KIF13B: variants seen among roughly 807,000 people sequenced by gnomAD.
KIF13B encodes the protein kinesin-like protein KIF13B.
Under a neutral mutation model 222.0 loss-of-function variants are expected in KIF13B, and 127 were observed. The ratio of observed to expected loss-of-function variants is 0.57; its 90% CI spans 0.50 to 0.66. KIF13B has a LOEUF of 0.66. KIF13B is among the 30% of genes least tolerant of loss of function. KIF13B has a pLI of 0.00. For synonymous variants in KIF13B, 976 were observed against 919.0 expected (o/e 1.06, Z -1.12); for missense variants, 2,173 against 2,379.0 (o/e 0.91, Z 1.80).
intron 19 of KIF13B, among the ~76,000 whole-genome samples, chr8:29,140,972 C>T (rs774693796): frequency 7.9e-5 from 12 of 152,282 alleles, no homozygotes; most frequent in Non-Finnish European, 8.8e-5. Flanking sequence ...CTAAACTACA[C>T]TTCACCTTTC....
intron 2 of KIF13B, among the ~76,000 whole-genome samples, chr8:29,238,397 A>G (rs1815608646): frequency 6.6e-6 from 1 of 152,224 alleles, no homozygotes; most frequent in African/African-American, 2.4e-5. Flanking sequence ...GTCAGAGTAC[A>G]CTGAAGCTCC....
rs1024724641 is a variant in KIF13B at position 29,155,970 on chromosome 8, A to C, written c.1405-114T>G. On this transcript the variant is annotated intron_variant, in intron 13 of 39. Coordinates refer to ENST00000524189, the MANE Select transcript of KIF13B (RefSeq NM_015254.4). ...TATTACCTTTGCGAAAATTTTTTTT[A>C]TTTTTATTTTATTTTTGAGACAGAG... 7 of 766,274 alleles carry C rather than the reference A, an allele frequency of 9.1e-6. No individual in the cohort carries two copies. The South Asian group carries it at 1.2e-4, about 13-fold the overall frequency. The allele number at this position is 766,274 out of a possible 1,614,324, so 47.5% of individuals were successfully genotyped here.
chr8:29,215,668 G>A (rs1164237888), intron 2 of KIF13B, among the ~76,000 whole-genome samples: 1 of 152,244 alleles, frequency 6.6e-6, no homozygotes, highest in African/African-American at 2.4e-5. Context: ...CTCCAGCAGG[G>A]ACGACAAGGT....
Position 29,155,854 on chromosome 8 carries a change from T to C in KIF13B, c.1407A>G (p.Glu469=). Residue 469 remains glutamate (E), a splice_region_variant and synonymous_variant, in exon 14 of 40, where the codon GAA becomes GAG. Transcript: ENST00000524189. Reference sequence around the variant, plus strand: ...AATTTGCTGACCCTATCAATGTATGTTCCTAAGAAAAAACCAAATTCACTG... The same window carrying C: ...AATTTGCTGACCCTATCAATGTATGCTCCTAAGAAAAAACCAAATTCACTG... The part of the protein sequence containing the change: ...LNELLVYYLK[E]HTLIGSANSQ... 1.3e-6 allele frequency: 2 copies of C among 1,570,382 alleles called. No homozygotes were observed. The highest frequency in any genetic ancestry group is 1.7e-6 in the Non-Finnish European group (2 of 1,155,442).
intron 1 of KIF13B, among the ~76,000 whole-genome samples, chr8:29,248,006 G>C (rs982518333): frequency 6.6e-6 from 1 of 151,902 alleles, no homozygotes; most frequent in Non-Finnish European, 1.5e-5. Flanking sequence ...ATACCATCTC[G>C]CATCCACTGG....
chr8:29,073,139 A>G (rs1807388926), intron 38 of KIF13B, among the ~76,000 whole-genome samples: 1 of 50,696 alleles, frequency 2.0e-5, no homozygotes, highest in African/African-American at 9.4e-5. Flanking sequence ...GAGGAGGGGG[A>G]CGAGGAGGGG....
At chr8:29,139,746 G>A (rs1459660384) in intron 21 of KIF13B, among the ~76,000 whole-genome samples, 2 of 151,830 alleles carry the variant, frequency 1.3e-5, no homozygotes, top group African/African-American at 2.4e-5. Flanking sequence ...TGCGCCCCTC[G>A]CTGACTTCCT....
intron 2 of KIF13B, among the ~76,000 whole-genome samples, chr8:29,244,929 A>T (rs545695927): frequency 6.6e-6 from 1 of 152,210 alleles, no homozygotes; most frequent in Non-Finnish European, 1.5e-5. Context: ...TAGAGGAAAG[A>T]CATCACTGCG....
At chr8:29,106,632 C>CCA (rs1809083548) in intron 35 of KIF13B, among the ~76,000 whole-genome samples, 3 of 56,468 alleles carry the variant, frequency 5.3e-5, no homozygotes, top group Admixed American at 2.7e-4. Flanking sequence ...AACTCTGTCT[C>CCA]AAAAAAAAAA....
chr8:29,118,768 T>C, intron 30 of KIF13B, 100 bp downstream of exon 30: 1 of 1,216,326 alleles, frequency 8.2e-7, no homozygotes, highest in Non-Finnish European at 1.2e-6. Context: ...TTTTGAGAAA[T>C]GTAAAGTACT....
rs1386529827 is a variant in KIF13B at position 29,180,155 on chromosome 8, A to G, written c.669T>C (p.His223=). 6.2e-7 allele frequency: 1 copy of G among 1,613,992 alleles called. No homozygotes were observed. The highest frequency in any genetic ancestry group is 1.1e-5 in the South Asian group (1 of 91,082). Residue 223 remains histidine (H), a synonymous_variant, in exon 8 of 40, where the codon CAT becomes CAC. Transcript: ENST00000524189. ...GTGTGAGGGTGATTTTGAAAACTGC[A>G]TGGGATCGGCTACTCTCCTCGTTCA... ...TNMNEESSRS[H]AVFKITLTHT...
At chr8:29,159,652 G>C (rs1011280887) in intron 13 of KIF13B, among the ~76,000 whole-genome samples, 1 of 152,090 alleles carries the variant, frequency 6.6e-6, no homozygotes, top group Non-Finnish European at 1.5e-5. Flanking sequence ...TAGACTAGAG[G>C]GGGCAAAGGG....
intron 2 of KIF13B, among the ~76,000 whole-genome samples, chr8:29,239,954 C>T (rs1379435539): frequency 1.3e-5 from 2 of 151,038 alleles, no homozygotes; most frequent in African/African-American, 2.4e-5. Flanking sequence ...TGAGCCACTG[C>T]GCCTGGCCGC....
chr8:29,113,921 G>A (rs1296261108), intron 31 of KIF13B, among the ~76,000 whole-genome samples: 1 of 152,194 alleles, frequency 6.6e-6, no homozygotes, highest in Non-Finnish European at 1.5e-5. Flanking sequence ...AACGACTGGT[G>A]ATGCTTACAC....
At position 29,117,014 on chromosome 8, in the gene KIF13B, A is replaced by G. The variant is rs766723779; in HGVS notation, c.3661-7T>C. 4.5e-6 allele frequency: 7 copies of G among 1,548,226 alleles called. No homozygotes were observed. Among genetic ancestry groups the G allele is most frequent in the Non-Finnish European group, 5.3e-6 (6 of 1,141,240 alleles). The stretch of plus-strand genomic sequence containing the variant: ...AGGAGGCTTCTGCTTTCACCTGGAG[A>G]GAAGACAGAGAGGAAACAGGTTTCT... On this transcript the variant is annotated splice_polypyrimidine_tract_variant and splice_region_variant and intron_variant, in intron 30 of 39. Coordinates refer to ENST00000524189, the MANE Select transcript of KIF13B (RefSeq NM_015254.4).
intron 2 of KIF13B, among the ~76,000 whole-genome samples, chr8:29,229,342 C>A (rs1815183290): frequency 6.6e-6 from 1 of 152,136 alleles, no homozygotes; most frequent in African/African-American, 2.4e-5. Flanking sequence ...GAGTTCAGAT[C>A]CCTGTTCTGC....
At chr8:29,204,833 A>C (rs1813857517) in intron 2 of KIF13B, among the ~76,000 whole-genome samples, 1 of 151,062 alleles carries the variant, frequency 6.6e-6, no homozygotes, top group African/African-American at 2.4e-5. Flanking sequence ...TCTAATTTTT[A>C]TTTCTCTCAG....
At chr8:29,209,992 G>A (rs927002715) in intron 2 of KIF13B, among the ~76,000 whole-genome samples, 2 of 151,952 alleles carry the variant, frequency 1.3e-5, no homozygotes, top group Admixed American at 1.3e-4. Flanking sequence ...GTTGGTCAAG[G>A]CTGCAGTAAG....
chr8:29,123,382 C>T lies in KIF13B; in HGVS notation c.3463G>A (p.Gly1155Arg). Reference sequence around the variant, plus strand: ...GGTTCATACCATTCTGCTGGGGCCCCTGGAATACCACTGCCAGCAGAGGGG... The same window carrying T: ...GGTTCATACCATTCTGCTGGGGCCCTTGGAATACCACTGCCAGCAGAGGGG... ...MVPSAGSGIP[G>R]APAEWTPVPG... is the part of the protein sequence containing the mutation. The change falls in exon 28 of 40, where the codon GGG (glycine) becomes AGG (arginine). Residue 1155 changes from glycine (G) to arginine (R), a missense_variant. Gly to Arg is a moderately radical substitution (Grantham distance 125). This residue lies in a region of KIF13B where 1,480 missense variants were observed against 1,722.8 expected (regional missense o/e 0.86). Transcript: ENST00000524189. 6.2e-7 allele frequency: 1 copy of T among 1,613,970 alleles called. No individual in the cohort carries two copies. The highest frequency in any genetic ancestry group is 1.1e-5 in the South Asian group (1 of 91,086).
Sources: allele counts gnomAD v4.1 joint callset (sites outside exome capture counted in the v4.1 genomes callset), GRCh38; gene constraint gnomAD v4.1.1; regional missense constraint gnomAD v4.1.1; transcripts MANE v1.5; gene names NCBI Gene and HGNC (gene_info 2026-07-23, HGNC 2026-07-21).